The following RAB22A variants were observed in gnomAD, a reference collection of about 807,000 sequenced individuals.
RAB22A encodes the protein ras-related protein Rab-22A.
Under a neutral mutation model 30.2 loss-of-function variants are expected in RAB22A, and 13 were observed. That is an observed-to-expected ratio of 0.43 (90% confidence interval 0.28 to 0.68). The LOEUF (loss-of-function observed/expected upper bound fraction) is 0.68. RAB22A is among the 30% of genes least tolerant of loss of function. The probability of loss-of-function intolerance (pLI) is 0.18; values close to 1 mark genes in which losing one functional copy is unlikely to be tolerated. For synonymous variants in RAB22A, 89 were observed against 87.2 expected (o/e 1.02, Z -0.11); for missense variants, 177 against 246.8 (o/e 0.72, Z 1.89).
chr20:58,319,522 T>A (rs970400904), intron 2 of RAB22A, among the ~76,000 whole-genome samples: 2 of 152,244 alleles, frequency 1.3e-5, no homozygotes, highest in African/African-American at 2.4e-5. Flanking sequence ...GTTTTTCATG[T>A]CTGGCTCCTC....
chr20:58,320,440 C>T (rs570460068), intron 2 of RAB22A, among the ~76,000 whole-genome samples: 2 of 151,964 alleles, frequency 1.3e-5, no homozygotes, highest in Non-Finnish European at 2.9e-5. Context: ...TGTAGCAATA[C>T]CCCCCTTCCA....
intron 2 of RAB22A, among the ~76,000 whole-genome samples, chr20:58,331,761 CT>C (rs1986664333): frequency 6.6e-6 from 1 of 152,080 alleles, no homozygotes; most frequent in Non-Finnish European, 1.5e-5. Context: ...ATGTCCACCC[CT>C]AAAATGTCAC....
At chr20:58,342,676 G>A (rs537950756) in intron 2 of RAB22A, among the ~76,000 whole-genome samples, 2 of 150,072 alleles carry the variant, frequency 1.3e-5, no homozygotes, top group African/African-American at 2.5e-5. Flanking sequence ...GTATAACTTC[G>A]TACTTGGTTC....
intron 2 of RAB22A, among the ~76,000 whole-genome samples, chr20:58,334,408 G>GA (rs1349496675): frequency 2.6e-5 from 4 of 151,732 alleles, no homozygotes; most frequent in Non-Finnish European, 5.9e-5. Context: ...AAAGAAGATA[G>GA]AAAAAGAAGA....
At chr20:58,358,346 C>G (rs1987166812) in intron 6 of RAB22A, among the ~76,000 whole-genome samples, 1 of 152,180 alleles carries the variant, frequency 6.6e-6, no homozygotes, top group Non-Finnish European at 1.5e-5. Context: ...ATTGCACATT[C>G]TTCCTGCATT....
chr20:58,366,720 G>A lies in RAB22A; in HGVS notation c.*7017G>A, dbSNP rs1036460658. The A allele has an allele frequency of 5.3e-5, 8 of 152,216 alleles. No individual in the cohort carries two copies. The highest frequency in any genetic ancestry group is 1.2e-4 in the Non-Finnish European group (8 of 68,036). 9.4% of individuals were successfully genotyped at this position (152,216 alleles called of 1,614,324 possible). ...CTTCAGAAAGAGAATAGCAGCGCTC[G>A]CTTACCGTGGGAACACGGCCAGTTA... On this transcript the variant is annotated 3_prime_UTR_variant, in exon 7 of 7. Transcript: ENST00000244040.
chr20:58,366,203 C>G lies in RAB22A; in HGVS notation c.*6500C>G, dbSNP rs1391471943. On this transcript the variant is annotated 3_prime_UTR_variant, in exon 7 of 7. Coordinates refer to ENST00000244040, the MANE Select transcript of RAB22A (RefSeq NM_020673.3). The stretch of plus-strand genomic sequence containing the variant: ...GGGCTCTCCCTTAAAGACACATGGC[C>G]ACAGACACCTCCTTCGCATATGTAA... 6.6e-6 allele frequency: 1 copy of G among 152,122 alleles called. No homozygotes were observed. Among genetic ancestry groups the G allele is most frequent in the African/African-American group, 2.4e-5 (1 of 41,402 alleles). The allele number at this position is 152,122 out of a possible 1,614,324, so 9.4% of individuals were successfully genotyped here. A position where few individuals can be genotyped will look rare whatever the true frequency, so the allele number is the denominator to read the frequency against.
intron 2 of RAB22A, among the ~76,000 whole-genome samples, chr20:58,313,611 C>T (rs1048849144): frequency 2.6e-4 from 40 of 152,308 alleles, no homozygotes; most frequent in Non-Finnish European, 4.9e-4. Context: ...CTCAGCTCCT[C>T]CCTGCCATGC....
In RAB22A at chr20:58,309,787, T is replaced by G; in HGVS notation, c.-190T>G. 1 of 414,052 alleles carries G rather than the reference T, an allele frequency of 2.4e-6. No individual in the cohort carries two copies. Among genetic ancestry groups the G allele is most frequent in the Non-Finnish European group, 3.9e-6 (1 of 256,100 alleles). 25.6% of individuals were successfully genotyped at this position (414,052 alleles called of 1,614,324 possible). ...AAGGCCGCGGCGGCGTCCCGGCTGC[T>G]AAGGCGGGCCCCACGCGGCTGGCAG... On this transcript the variant is annotated 5_prime_UTR_variant, in exon 1 of 7. It removes the in-frame stop codon of an upstream open reading frame in the 5' UTR. Transcript: ENST00000244040.
At chr20:58,322,022 C>T (rs1012183974) in intron 2 of RAB22A, among the ~76,000 whole-genome samples, 1 of 152,252 alleles carries the variant, frequency 6.6e-6, no homozygotes, top group Non-Finnish European at 1.5e-5. Flanking sequence ...GGTCTCAAAC[C>T]CCTGGGCTCA....
intron 2 of RAB22A, among the ~76,000 whole-genome samples, chr20:58,334,628 G>C (rs982828730): frequency 6.6e-6 from 1 of 151,616 alleles, no homozygotes; most frequent in Non-Finnish European, 1.5e-5. Context: ...ATTCTGAGCA[G>C]TAGTTACACA....
At chr20:58,335,256 T>G (rs6026205) in intron 2 of RAB22A, among the ~76,000 whole-genome samples, 1 of 152,234 alleles carries the variant, frequency 6.6e-6, no homozygotes, top group Non-Finnish European at 1.5e-5. Flanking sequence ...TATGCTGTTA[T>G]GCCGTCACCT....
chr20:58,343,451 G>A (rs502138), intron 2 of RAB22A, among the ~76,000 whole-genome samples: 78,113 of 151,842 alleles, frequency 0.51, 20,678 homozygotes, highest in South Asian at 0.68. Flanking sequence ...TAATGTCTGT[G>A]TTGCCAAACT....
At chr20:58,324,983 T>C (rs1372043004) in intron 2 of RAB22A, among the ~76,000 whole-genome samples, 5 of 146,448 alleles carry the variant, frequency 3.4e-5, no homozygotes. Context: ...AAGACCATCC[T>C]GGCCAACATG....
At chr20:58,337,837 C>G (rs1178198051) in intron 2 of RAB22A, among the ~76,000 whole-genome samples, 1 of 152,140 alleles carries the variant, frequency 6.6e-6, no homozygotes, top group Non-Finnish European at 1.5e-5. Flanking sequence ...AAAACCCAGC[C>G]TGGAGCCCAC....
chr20:58,356,037 A>G (rs1222298615), intron 6 of RAB22A, among the ~76,000 whole-genome samples: 2 of 152,196 alleles, frequency 1.3e-5, no homozygotes, highest in Non-Finnish European at 2.9e-5. Context: ...TAGGCCAGAC[A>G]TGGTGGCTCA....
At chr20:58,354,124 AGAATTTCT>A in intron 5 of RAB22A, 24 bp from the exon 6 acceptor site, 1 of 1,501,210 alleles carries the variant, frequency 6.7e-7, no homozygotes, top group Non-Finnish European at 9.2e-7. Flanking sequence ...CTTCATGGGT[AGAATTTCT>A]GATATGTAGT....
rs191312506 is a variant in RAB22A, at chr20:58,315,216, A to G, written c.116+4094A>G. On this transcript the variant is annotated intron_variant, in intron 2 of 6. Transcript: ENST00000244040. ...TCTCACTGCAGTCTCCTGGCCTCTC[A>G]TACTGATTTGATAAAAGCTGGTCTT... Among the ~76,000 whole-genome samples, 64 of 152,168 alleles carry G rather than the reference A, an allele frequency of 4.2e-4. No homozygotes were observed. The East Asian group carries it at 8.5e-3, about 20-fold the overall frequency.
intron 2 of RAB22A, among the ~76,000 whole-genome samples, chr20:58,325,204 C>T (rs542530363): frequency 4.0e-5 from 6 of 150,060 alleles, no homozygotes; most frequent in Middle Eastern, 3.5e-3. Context: ...TTAGGCTAGG[C>T]GCAGTGGCTC....
Sources: gnomAD v4.1 joint callset for allele counts (sites outside exome capture counted in the v4.1 genomes callset) on GRCh38, gnomAD v4.1.1 for gene constraint, MANE v1.5 for transcripts, NCBI Gene and HGNC (gene_info 2026-07-23, HGNC 2026-07-21) for gene names.